LRRTM4: variants seen among roughly 807,000 people sequenced by gnomAD.
LRRTM4 encodes the protein leucine rich repeat transmembrane neuronal 4, also known as leucine-rich repeat transmembrane neuronal protein 4.
A neutral mutation model predicts 47.6 loss-of-function variants in LRRTM4; 25 were observed. That is an observed-to-expected ratio of 0.53 (90% CI 0.38 to 0.73). LRRTM4 has a LOEUF of 0.73. LRRTM4 is among the 30% of genes least tolerant of loss of function. The probability of loss-of-function intolerance (pLI) is 0.00; values close to 1 mark genes in which losing one functional copy is unlikely to be tolerated. For missense variants in LRRTM4, 638 were observed against 713.4 expected (o/e 0.89, Z 1.20); for synonymous variants, 311 against 269.5 (o/e 1.15, Z -1.51).
intron 3 of LRRTM4, among the ~76,000 whole-genome samples, chr2:76,780,830 G>C (rs183905772): frequency 0.2 from 27,655 of 138,124 alleles, 867 homozygotes; most frequent in Admixed American, 0.26. Context: ...AGGAGGAGAG[G>C]TGCTCTGCTT....
At chr2:76,891,834 G>T (rs1673264859) in intron 3 of LRRTM4, among the ~76,000 whole-genome samples, 1 of 151,362 alleles carries the variant, frequency 6.6e-6, no homozygotes, top group African/African-American at 2.4e-5. Flanking sequence ...ACTCAATTCG[G>T]ATGCAAAAAA....
intron 3 of LRRTM4, among the ~76,000 whole-genome samples, chr2:76,794,429 T>TTCCAGCTATTTTG (rs1174381921): frequency 2.6e-5 from 4 of 152,212 alleles, no homozygotes; most frequent in African/African-American, 9.6e-5. Flanking sequence ...TTACCAGATA[T>TTCCAGCTATTTTG]TCCAGCTATT....
At chr2:76,987,362 C>G (rs1423680571) in intron 3 of LRRTM4, 2 of 151,772 alleles carry the variant, frequency 1.3e-5, no homozygotes, top group African/African-American at 4.8e-5. Flanking sequence ...AAAGAATTAT[C>G]ATAATTGACC....
chr2:77,512,505 T>C (rs1679059111), intron 3 of LRRTM4, among the ~76,000 whole-genome samples: 1 of 152,144 alleles, frequency 6.6e-6, no homozygotes, highest in Non-Finnish European at 1.5e-5. Flanking sequence ...CTTCATGCTT[T>C]TCACTGATCA....
intron 3 of LRRTM4, among the ~76,000 whole-genome samples, chr2:77,126,787 C>A (rs1401352766): frequency 6.6e-6 from 1 of 152,160 alleles, no homozygotes; most frequent in East Asian, 1.9e-4. Context: ...TCAGCAAGAT[C>A]AAAGGAAAAT....
chr2:77,178,077 C>T (rs565000311), intron 3 of LRRTM4, among the ~76,000 whole-genome samples: 1 of 152,250 alleles, frequency 6.6e-6, no homozygotes, highest in South Asian at 2.1e-4. Flanking sequence ...ACAGCAAGTG[C>T]TCAAAAGATG....
chr2:77,049,343 GGATCATTT>G (rs1450118495), intron 3 of LRRTM4, among the ~76,000 whole-genome samples: 4 of 150,866 alleles, frequency 2.7e-5, no homozygotes, highest in Non-Finnish European at 5.9e-5. Context: ...TGAGACTGTT[GGATCATTT>G]GTAATTGTTT....
intron 3 of LRRTM4, among the ~76,000 whole-genome samples, chr2:76,943,744 T>C (rs1184752993): frequency 6.6e-6 from 1 of 152,096 alleles, no homozygotes; most frequent in Non-Finnish European, 1.5e-5. Flanking sequence ...CAAATCTACT[T>C]CTCCTCTATT....
At chr2:76,974,221 T>C (rs1420815394) in intron 3 of LRRTM4, among the ~76,000 whole-genome samples, 2 of 126,926 alleles carry the variant, frequency 1.6e-5, no homozygotes, top group Non-Finnish European at 3.2e-5. Flanking sequence ...CACATATATA[T>C]ACATACATAT....
At chr2:76,777,212 T>C (rs1674062160) in intron 3 of LRRTM4, among the ~76,000 whole-genome samples, 2 of 150,910 alleles carry the variant, frequency 1.3e-5, no homozygotes, top group African/African-American at 4.9e-5. Context: ...AGCTTTGTTC[T>C]TTTGGCTTAG....
At chr2:76,769,654 T>G (rs761455941) in intron 3 of LRRTM4, among the ~76,000 whole-genome samples, 2 of 152,150 alleles carry the variant, frequency 1.3e-5, no homozygotes, top group Non-Finnish European at 2.9e-5. Context: ...TTATTAGAAA[T>G]GCAAACTCTC....
chr2:77,139,980 C>G (rs985869652), intron 3 of LRRTM4, among the ~76,000 whole-genome samples: 2 of 151,986 alleles, frequency 1.3e-5, no homozygotes, highest in African/African-American at 4.8e-5. Context: ...AAAGAGGACC[C>G]CAAAAAATCG....
intron 3 of LRRTM4, among the ~76,000 whole-genome samples, chr2:77,015,205 T>C (rs192210159): frequency 4.6e-5 from 7 of 152,282 alleles, no homozygotes; most frequent in Admixed American, 2.6e-4. Flanking sequence ...CCCTAGAGAT[T>C]TCAGACTTGC....
chr2:77,114,770 G>C (rs774236245), intron 3 of LRRTM4, among the ~76,000 whole-genome samples: 19 of 152,138 alleles, frequency 1.2e-4, no homozygotes, highest in Non-Finnish European at 2.6e-4. Context: ...AAACCAGCAA[G>C]TTTTTATTAG....
At chr2:76,817,236 G>T (rs1670928534) in intron 3 of LRRTM4, among the ~76,000 whole-genome samples, 1 of 151,836 alleles carries the variant, frequency 6.6e-6, no homozygotes, top group Non-Finnish European at 1.5e-5. Flanking sequence ...TCAAGAAATT[G>T]CATGCTTGAT....
chr2:77,207,347 G>GTA (rs200933978), intron 3 of LRRTM4, among the ~76,000 whole-genome samples: 107 of 83,394 alleles, frequency 1.3e-3, no homozygotes, highest in African/African-American at 3.8e-3. Flanking sequence ...TTTCATATAT[G>GTA]TGTATATATA....
chr2:77,209,481 C>A (rs1016628482), intron 3 of LRRTM4, among the ~76,000 whole-genome samples: 27 of 150,568 alleles, frequency 1.8e-4, no homozygotes, highest in African/African-American at 6.3e-4. Flanking sequence ...TGCAAAAGCA[C>A]AAAAATTGCA....
chr2:76,788,476 T>G (rs1674796420), intron 3 of LRRTM4, among the ~76,000 whole-genome samples: 1 of 152,184 alleles, frequency 6.6e-6, no homozygotes, highest in Non-Finnish European at 1.5e-5. Context: ...TACTAGGAAG[T>G]CAGCAAAGAT....
At chr2:77,113,853 G>C (rs563572561) in intron 3 of LRRTM4, among the ~76,000 whole-genome samples, 136 of 152,168 alleles carry the variant, frequency 8.9e-4, no homozygotes, top group Middle Eastern at 3.4e-3. Flanking sequence ...TGACTCCAGA[G>C]GCAAATGCTG....
Sources: gnomAD v4.1 joint callset for allele counts (sites outside exome capture counted in the v4.1 genomes callset) on GRCh38, gnomAD v4.1.1 for gene constraint, MANE v1.5 for transcripts, NCBI Gene and HGNC (gene_info 2026-07-23, HGNC 2026-07-21) for gene names.